The following MEI4 variants were observed in gnomAD, a reference collection of about 807,000 sequenced individuals.
MEI4 encodes meiotic double-stranded break formation protein 4.
Under a neutral mutation model 31.4 loss-of-function variants are expected in MEI4, and 27 were observed. The observed-to-expected ratio is 0.86, with a 90% CI of 0.63 to 1.19. The LOEUF (loss-of-function observed/expected upper bound fraction) is 1.19. Among genes scored for constraint, MEI4 ranks in the 50% most tolerant of loss-of-function variants. The pLI, the probability that MEI4 is intolerant of heterozygous loss-of-function variation, is 0.00. For synonymous variants in MEI4, 122 were observed against 145.4 expected (o/e 0.84, Z 1.16); for missense variants, 329 against 398.9 (o/e 0.82, Z 1.49).
intron 1 of MEI4, among the ~76,000 whole-genome samples, chr6:77,664,824 C>T (rs1174615386): frequency 6.6e-6 from 1 of 152,078 alleles, no homozygotes; most frequent in Non-Finnish European, 1.5e-5. Context: ...TTAGATCTTG[C>T]AGGATGGAAA....
At chr6:77,853,288 C>A (rs1014531628) in intron 4 of MEI4, among the ~76,000 whole-genome samples, 4 of 152,124 alleles carry the variant, frequency 2.6e-5, no homozygotes, top group African/African-American at 9.7e-5. Context: ...CATTATAGCT[C>A]ATAGATTTAC....
chr6:77,828,831 T>A, intron 3 of MEI4, 100 bp from the exon 4 acceptor site: 1 of 897,050 alleles, frequency 1.1e-6, no homozygotes, highest in Non-Finnish European at 1.5e-6. Context: ...ATTGATACTT[T>A]TTATATTCCT....
intron 3 of MEI4, among the ~76,000 whole-genome samples, chr6:77,825,886 T>C (rs1203729347): frequency 1.3e-5 from 2 of 152,238 alleles, no homozygotes; most frequent in Non-Finnish European, 2.9e-5. Flanking sequence ...TGCTGTGGTA[T>C]GCTGTTAGAG....
intron 1 of MEI4, among the ~76,000 whole-genome samples, chr6:77,666,390 C>T (rs1768632893): frequency 6.6e-6 from 1 of 152,122 alleles, no homozygotes; most frequent in African/African-American, 2.4e-5. Flanking sequence ...TGGATGTATA[C>T]GTGCAAGTCA....
intron 2 of MEI4, among the ~76,000 whole-genome samples, chr6:77,741,968 C>T (rs1375664199): frequency 6.6e-6 from 1 of 151,970 alleles, no homozygotes; most frequent in Non-Finnish European, 1.5e-5. Flanking sequence ...TTTATGGCTG[C>T]ATAGTACTCC....
intron 3 of MEI4, among the ~76,000 whole-genome samples, chr6:77,762,404 T>G (rs1768066274): frequency 6.6e-6 from 1 of 152,216 alleles, no homozygotes; most frequent in Admixed American, 6.5e-5. Flanking sequence ...TTCATATTAT[T>G]TCTGCCTTCT....
At chr6:77,711,645 G>A (rs1280025005) in intron 2 of MEI4, among the ~76,000 whole-genome samples, 1 of 152,156 alleles carries the variant, frequency 6.6e-6, no homozygotes, top group Admixed American at 6.5e-5. Context: ...TTGGACTTGG[G>A]CTCTTCGAGG....
At chr6:77,882,675 A>T (rs1771517570) in intron 4 of MEI4, among the ~76,000 whole-genome samples, 1 of 152,178 alleles carries the variant, frequency 6.6e-6, no homozygotes, top group African/African-American at 2.4e-5. Flanking sequence ...TACTTTGTGT[A>T]GTCTACCAGG....
intron 2 of MEI4, among the ~76,000 whole-genome samples, chr6:77,703,015 C>CT (rs930872962): frequency 1.3e-5 from 2 of 152,118 alleles, no homozygotes; most frequent in Non-Finnish European, 1.5e-5. Context: ...ATATTCTGTA[C>CT]TTTTTTATAT....
chr6:77,710,540 A>AAGG (rs1554152924), intron 2 of MEI4, among the ~76,000 whole-genome samples: 1 of 42,638 alleles, frequency 2.3e-5, no homozygotes, highest in Non-Finnish European at 7.4e-5. Context: ...AAAAAAAAAA[A>AAGG]AAGAAAAGGT....
rs192016712 is a variant in MEI4 at position 77,795,893 on chromosome 6, G to A, written c.769-33038G>A. ...AAATTTGAAGAGAAGTGAACACTTC[G>A]AAACTCATTTTATGAGGACAGCGTT... On this transcript the variant is annotated intron_variant, in intron 3 of 4. Coordinates refer to ENST00000684080, the MANE Select transcript of MEI4 (RefSeq NM_001322247.2). Among the ~76,000 whole-genome samples the A allele has an allele frequency of 1.1e-4, 16 of 152,168 alleles. No homozygotes were observed. In the East Asian group the frequency reaches 2.7e-3, roughly 26 times the overall value.
At chr6:77,726,767 A>C (rs1766833273) in intron 2 of MEI4, among the ~76,000 whole-genome samples, 1 of 152,136 alleles carries the variant, frequency 6.6e-6, no homozygotes, top group Admixed American at 6.5e-5. Context: ...AAGAGAATGG[A>C]CTAGGATGCT....
intron 2 of MEI4, among the ~76,000 whole-genome samples, chr6:77,714,024 T>C (rs1324465328): frequency 6.6e-6 from 1 of 152,200 alleles, no homozygotes; most frequent in Non-Finnish European, 1.5e-5. Flanking sequence ...CTAAGGATAA[T>C]GGCCTCCAGC....
chr6:77,733,930 G>T (rs370044982), intron 2 of MEI4, among the ~76,000 whole-genome samples: 4 of 152,090 alleles, frequency 2.6e-5, no homozygotes, highest in Non-Finnish European at 5.9e-5. Context: ...CCATGTAGTT[G>T]AGTGGTTTTG....
At chr6:77,868,858 G>C (rs1243218098) in intron 4 of MEI4, among the ~76,000 whole-genome samples, 1 of 152,018 alleles carries the variant, frequency 6.6e-6, no homozygotes, top group East Asian at 1.9e-4. Flanking sequence ...CCAACCAGCA[G>C]TGCCCAAGTG....
Position 77,870,821 on chromosome 6 carries a change from G to T in MEI4, c.900+41759G>T, listed in dbSNP as rs532834188. ...TGTTTTGAATTTGTAATGACTACCT[G>T]CCCATCATATTGTTTTCTGATAATA... On this transcript the variant is annotated intron_variant, in intron 4 of 4. Coordinates refer to ENST00000684080, the MANE Select transcript of MEI4 (RefSeq NM_001322247.2). 7.9e-5 allele frequency among the ~76,000 whole-genome samples: 12 copies of T among 152,208 alleles called. No individual in the cohort carries two copies. In the South Asian group the frequency reaches 1.5e-3, roughly 18 times the overall value.
At chr6:77,713,009 T>C (rs1046447078) in intron 2 of MEI4, among the ~76,000 whole-genome samples, 2 of 151,638 alleles carry the variant, frequency 1.3e-5, no homozygotes, top group African/African-American at 4.8e-5. Flanking sequence ...GATGGAGCAT[T>C]AGGGTTGCCG....
At chr6:77,675,774 T>G (rs926834507) in intron 1 of MEI4, among the ~76,000 whole-genome samples, 1 of 152,188 alleles carries the variant, frequency 6.6e-6, no homozygotes, top group Admixed American at 6.5e-5. Context: ...TGCACATTCC[T>G]TCCTGTACAG....
chr6:77,919,373 C>G (rs1392005288), intron 4 of MEI4, among the ~76,000 whole-genome samples: 2 of 152,066 alleles, frequency 1.3e-5, no homozygotes, highest in East Asian at 3.9e-4. Flanking sequence ...TACATGGAAA[C>G]TGAACAACCT....
Sources: allele counts gnomAD v4.1 joint callset (sites outside exome capture counted in the v4.1 genomes callset), GRCh38; gene constraint gnomAD v4.1.1; transcripts MANE v1.5; gene names NCBI Gene and HGNC (gene_info 2026-07-23, HGNC 2026-07-21).